The following USP6NL variants were observed in gnomAD, a reference collection of about 807,000 sequenced individuals.
The protein encoded by USP6NL is USP6 N-terminal like.
USP6NL carries 26 observed loss-of-function variants against 61.9 expected under a neutral mutation model. That is an observed-to-expected ratio of 0.42 (90% confidence interval 0.31 to 0.58). The LOEUF (loss-of-function observed/expected upper bound fraction) is 0.58. Ranked by LOEUF, USP6NL falls within the 20% of genes least tolerant of loss-of-function variation. The probability of loss-of-function intolerance (pLI) is 0.16; values close to 1 mark genes in which losing one functional copy is unlikely to be tolerated. For missense variants in USP6NL, 1,114 were observed against 1,034.3 expected, an observed-to-expected ratio of 1.08 and a Z score of -1.06; for synonymous variants, 432 against 390.1, an observed-to-expected ratio of 1.11 and a Z score of -1.27.
chr10:11,546,630 C>G (rs1468142898), intron 2 of USP6NL, among the ~76,000 whole-genome samples: 2 of 152,112 alleles, frequency 1.3e-5, no homozygotes, highest in African/African-American at 4.8e-5. Context: ...ATTGCCCAGA[C>G]TGGTCTCAAA....
chr10:11,609,722 C>T (rs972813107), intron 1 of USP6NL, among the ~76,000 whole-genome samples: 2 of 152,156 alleles, frequency 1.3e-5, no homozygotes, highest in Non-Finnish European at 1.5e-5. Flanking sequence ...CAAAGATGGA[C>T]CAAGGCAACC....
chr10:11,476,902 T>G lies in USP6NL; in HGVS notation c.1078+4868A>C, dbSNP rs1832987620. ...TTATTATTTTTTCAAGACGGAGTCT[T>G]GCTCTGTCACCCAGGCTGAAGTGCA... is the stretch of plus-strand genomic sequence containing the variant. On this transcript the variant is annotated intron_variant, in intron 14 of 14. Coordinates refer to ENST00000609104, the MANE Select transcript of USP6NL (RefSeq NM_014688.5). This position sits in a 1 kb window ranked among gnomAD's most constrained non-coding sequence, Gnocchi z 4.3. 6.6e-6 allele frequency among the ~76,000 whole-genome samples: 1 copy of G among 152,178 alleles called. No individual in the cohort carries two copies. Among genetic ancestry groups the G allele is most frequent in the Admixed American group, 6.5e-5 (1 of 15,276 alleles).
rs149727308 is a variant in USP6NL, at chr10:11,585,578, C to T, written c.4+12053G>A. 6.6e-6 allele frequency among the ~76,000 whole-genome samples: 1 copy of T among 152,178 alleles called. No homozygotes were observed. Among genetic ancestry groups the T allele is most frequent in the African/African-American group, 2.4e-5 (1 of 41,522 alleles). On this transcript the variant is annotated intron_variant, in intron 2 of 14. Coordinates refer to ENST00000609104, the MANE Select transcript of USP6NL (RefSeq NM_014688.5). The surrounding 1 kb of genome is among the most constrained non-coding windows in gnomAD (Gnocchi z 4.5). ...TCGGGAGGCTGAGGAACGGGAATGG[C>T]GCGAACCCGGGATGCGGAGCTTTCA...
intron 6 of USP6NL, among the ~76,000 whole-genome samples, chr10:11,508,678 G>GT (rs1834562625): frequency 6.6e-6 from 1 of 152,200 alleles, no homozygotes; most frequent in African/African-American, 2.4e-5. Context: ...TCTTATTAAC[G>GT]TAACGAGCAG....
In USP6NL at chr10:11,511,123, T is replaced by C. The variant is rs1834698115; in HGVS notation, c.196-1448A>G. The stretch of plus-strand genomic sequence containing the variant: ...AAGTTATCTCACCAATGAGAATATT[T>C]TTATAGAATTTCAATTTTAGGCATA... On this transcript the variant is annotated intron_variant, in intron 5 of 14. Transcript: ENST00000609104. The surrounding 1 kb of genome is among the most constrained non-coding windows in gnomAD (Gnocchi z 4.9). Among the ~76,000 whole-genome samples the C allele has an allele frequency of 6.6e-6, 1 of 152,242 alleles. No individual in the cohort carries two copies. The highest frequency in any genetic ancestry group is 2.1e-4 in the South Asian group (1 of 4,836).
chr10:11,598,575 A>G lies in USP6NL; in HGVS notation c.-83-858T>C, dbSNP rs1554747837. On this transcript the variant is annotated intron_variant, in intron 1 of 14. Transcript: ENST00000609104. This position sits in a 1 kb window ranked among gnomAD's most constrained non-coding sequence, Gnocchi z 4.7. Reference sequence around the variant, plus strand: ...AAATGCCTACCTAAATCTATCATATAAAATTCCACAGATAAGATCAGACTC... The same window carrying G: ...AAATGCCTACCTAAATCTATCATATGAAATTCCACAGATAAGATCAGACTC... 6.6e-6 allele frequency among the ~76,000 whole-genome samples: 1 copy of G among 152,218 alleles called. No homozygotes were observed. Among genetic ancestry groups the G allele is most frequent in the Non-Finnish European group, 1.5e-5 (1 of 68,038 alleles).
rs998048711 is a variant in USP6NL at position 11,596,669 on chromosome 10, TAGCCAC to T, written c.4+956_4+961del. On this transcript the variant is annotated intron_variant, in intron 2 of 14. Transcript: ENST00000609104. This position sits in a 1 kb window ranked among gnomAD's most constrained non-coding sequence, Gnocchi z 4.1. ...TTTCTTAATCTGTACTGAACTCATC[TAGCCAC>T]TAACTTTGTTTCTTCAAAGTACACT... Among the ~76,000 whole-genome samples the T allele has an allele frequency of 6.6e-6, 1 of 151,852 alleles. No homozygotes were observed. Among genetic ancestry groups the T allele is most frequent in the African/African-American group, 2.4e-5 (1 of 41,358 alleles).
At position 11,481,966 on chromosome 10, in the gene USP6NL, C is replaced by A; in HGVS notation, c.926-44G>T. The A allele has an allele frequency of 6.5e-7, 1 of 1,547,136 alleles. No homozygotes were observed. Among genetic ancestry groups the A allele is most frequent in the Non-Finnish European group, 8.7e-7 (1 of 1,147,826 alleles). Reference sequence around the variant, plus strand: ...AATGAAAATGCCAAGTCAATAGCTACTTTAGGTAGGAAGATATTCTATTAT... The same window carrying A: ...AATGAAAATGCCAAGTCAATAGCTAATTTAGGTAGGAAGATATTCTATTAT... On this transcript the variant is annotated intron_variant, in intron 13 of 14. Coordinates refer to ENST00000609104, the MANE Select transcript of USP6NL (RefSeq NM_014688.5). The surrounding 1 kb of genome is among the most constrained non-coding windows in gnomAD (Gnocchi z 4.4).
Position 11,481,187 on chromosome 10 carries a change from TTAG to T in USP6NL, c.1078+580_1078+582del, listed in dbSNP as rs1833181817. 6.6e-6 allele frequency among the ~76,000 whole-genome samples: 1 copy of T among 152,148 alleles called. No individual in the cohort carries two copies. The highest frequency in any genetic ancestry group is 1.5e-5 in the Non-Finnish European group (1 of 68,026). On this transcript the variant is annotated intron_variant, in intron 14 of 14. Coordinates refer to ENST00000609104, the MANE Select transcript of USP6NL (RefSeq NM_014688.5). The surrounding 1 kb of genome is among the most constrained non-coding windows in gnomAD (Gnocchi z 4.4). ...AAAGTAGTACCTAGCAGAAAACCTATTAGTAGGTGCTGAAAAATGTCTTACAAT... is the reference window on the plus strand; with the variant it reads ...AAAGTAGTACCTAGCAGAAAACCTATTAGGTGCTGAAAAATGTCTTACAAT...
At position 11,537,941 on chromosome 10, in the gene USP6NL, C is replaced by T. The variant is rs775625933; in HGVS notation, c.5-10374G>A. On this transcript the variant is annotated intron_variant, in intron 2 of 14. Coordinates refer to ENST00000609104, the MANE Select transcript of USP6NL (RefSeq NM_014688.5). The surrounding 1 kb of genome is among the most constrained non-coding windows in gnomAD (Gnocchi z 5.1). ...CTGCAAATAAAAAGATCAACAGTGT[C>T]GATATAATTGGTAGGTTGCTTGTTT... is the stretch of plus-strand genomic sequence containing the variant. 7.9e-5 allele frequency among the ~76,000 whole-genome samples: 12 copies of T among 152,098 alleles called. No individual in the cohort carries two copies. The highest frequency in any genetic ancestry group is 2.0e-4 in the Admixed American group (3 of 15,278).
intron 2 of USP6NL, chr10:11,573,353 G>A (rs1296811855): frequency 1.6e-5 from 5 of 314,956 alleles, no homozygotes; most frequent in Non-Finnish European, 2.3e-5. Flanking sequence ...TACTATTACA[G>A]CAGCAATGCA....
In USP6NL at chr10:11,597,833, CTCT is replaced by C. The variant is rs1838380218; in HGVS notation, c.-83-119_-83-117del. The stretch of plus-strand genomic sequence containing the variant: ...AATATTCTACTATTTCCAAAAAGAA[CTCT>C]TGTGATCACCTATTAAATATAAAAG... On this transcript the variant is annotated intron_variant, in intron 1 of 14. Transcript: ENST00000609104. This position sits in a 1 kb window ranked among gnomAD's most constrained non-coding sequence, Gnocchi z 4.6. 3.6e-6 allele frequency: 2 copies of C among 551,922 alleles called. No homozygotes were observed. The highest frequency in any genetic ancestry group is 6.5e-6 in the Non-Finnish European group (2 of 307,150). The allele number at this position is 551,922 out of a possible 1,614,324, so 34.2% of individuals were successfully genotyped here. A position where few individuals can be genotyped will look rare whatever the true frequency, so the allele number is the denominator to read the frequency against.
intron 6 of USP6NL, among the ~76,000 whole-genome samples, chr10:11,501,550 A>G (rs996232948): frequency 1.3e-5 from 2 of 152,220 alleles, no homozygotes; most frequent in Admixed American, 6.5e-5. Context: ...CCCTGATGGT[A>G]TAATTAACTT....
At chr10:11,543,338 G>A (rs12261800) in intron 2 of USP6NL, among the ~76,000 whole-genome samples, 2 of 152,110 alleles carry the variant, frequency 1.3e-5, no homozygotes, top group East Asian at 1.9e-4. Flanking sequence ...TCAGGAGATC[G>A]AGGTCATCCT....
At chr10:11,542,710 C>A (rs552107657) in intron 2 of USP6NL, among the ~76,000 whole-genome samples, 2 of 152,236 alleles carry the variant, frequency 1.3e-5, no homozygotes, top group South Asian at 4.2e-4. Context: ...CAGGATGTGA[C>A]TCTGCCTCAA....
Position 11,540,901 on chromosome 10 carries a change from T to C in USP6NL, c.5-13334A>G, listed in dbSNP as rs1375602326. On this transcript the variant is annotated intron_variant, in intron 2 of 14. Transcript: ENST00000609104. The surrounding 1 kb of genome is among the most constrained non-coding windows in gnomAD (Gnocchi z 5.0). ...TGGCCCTTGGGTTCAAATTTGACCA[T>C]AAGGCCATCAAAAGCCAGCAATTTG... 1.3e-5 allele frequency among the ~76,000 whole-genome samples: 2 copies of C among 151,994 alleles called. No individual in the cohort carries two copies. Among genetic ancestry groups the C allele is most frequent in the East Asian group, 3.9e-4 (2 of 5,188 alleles).
chr10:11,593,344 T>TA (rs891209326), intron 2 of USP6NL, among the ~76,000 whole-genome samples: 1 of 152,230 alleles, frequency 6.6e-6, no homozygotes, highest in Non-Finnish European at 1.5e-5. Context: ...TGTTTTCACT[T>TA]AGTTTTTTTT....
chr10:11,550,375 C>A (rs539799637), intron 2 of USP6NL, among the ~76,000 whole-genome samples: 7 of 152,104 alleles, frequency 4.6e-5, no homozygotes, highest in African/African-American at 1.2e-4. Context: ...AGACAGAAGG[C>A]TTATATCCAG....
intron 2 of USP6NL, among the ~76,000 whole-genome samples, chr10:11,530,744 C>A (rs1383547495): frequency 2.0e-5 from 3 of 152,066 alleles, no homozygotes; most frequent in African/African-American, 4.8e-5. Flanking sequence ...TTAATCTTTG[C>A]CAATATTCAG....
Sources: allele counts gnomAD v4.1 joint callset (sites outside exome capture counted in the v4.1 genomes callset), GRCh38; gene constraint gnomAD v4.1.1; non-coding constraint Gnocchi (gnomAD v3.1); transcripts MANE v1.5; gene names NCBI Gene and HGNC (gene_info 2026-07-23, HGNC 2026-07-21).